The following RGS6 variants were observed in gnomAD, a reference collection of about 807,000 sequenced individuals.
RGS6 encodes regulator of G protein signaling 6.
A neutral mutation model predicts 78.5 loss-of-function variants in RGS6; 30 were observed. That is an observed-to-expected ratio of 0.38 (90% confidence interval 0.29 to 0.52). The LOEUF is 0.52. Ranked by LOEUF, RGS6 falls within the 20% of genes least tolerant of loss-of-function variation. RGS6 has a pLI of 0.85. For synonymous variants in RGS6, 206 were observed against 206.0 expected (o/e 1.00, Z 0.00); for missense variants, 495 against 609.7 (o/e 0.81, Z 1.98).
At chr14:72,409,320 C>T (rs183773381) in intron 3 of RGS6, among the ~76,000 whole-genome samples, 12 of 152,150 alleles carry the variant, frequency 7.9e-5, no homozygotes, top group African/African-American at 1.7e-4. Flanking sequence ...ATAGGCGGAA[C>T]GTGGAAGTAA....
intron 3 of RGS6, among the ~76,000 whole-genome samples, chr14:72,417,669 C>A (rs1197621788): frequency 6.6e-6 from 1 of 152,224 alleles, no homozygotes; most frequent in African/African-American, 2.4e-5. Context: ...TTTAGCAAGC[C>A]TGCACTTCTG....
chr14:72,467,583 G>C (rs1426154907), intron 7 of RGS6, among the ~76,000 whole-genome samples: 1 of 152,150 alleles, frequency 6.6e-6, no homozygotes, highest in Non-Finnish European at 1.5e-5. Context: ...ACGTGTGCAT[G>C]GTCCTTCACC....
intron 2 of RGS6, among the ~76,000 whole-genome samples, chr14:72,287,623 A>AT (rs1226199550): frequency 1.3e-5 from 2 of 151,856 alleles, no homozygotes; most frequent in Non-Finnish European, 2.9e-5. Flanking sequence ...TGCCTGGCTA[A>AT]TTTTTTGTAT....
At chr14:72,329,865 GAC>G (rs1180934727) in intron 2 of RGS6, among the ~76,000 whole-genome samples, 1 of 152,150 alleles carries the variant, frequency 6.6e-6, no homozygotes, top group African/African-American at 2.4e-5. Context: ...ACTGCCGGGA[GAC>G]ATCACAGGGC....
At chr14:72,488,105 A>C (rs768348495) in intron 12 of RGS6, among the ~76,000 whole-genome samples, 5 of 152,174 alleles carry the variant, frequency 3.3e-5, no homozygotes, top group African/African-American at 4.8e-5. Context: ...GACTTTATTT[A>C]TGTAACTTAA....
intron 2 of RGS6, among the ~76,000 whole-genome samples, chr14:72,343,277 C>T (rs2077366250): frequency 1.3e-5 from 2 of 152,192 alleles, no homozygotes; most frequent in Admixed American, 6.5e-5. Flanking sequence ...CTTGCCTTTT[C>T]CAGCTTCCAG....
chr14:72,126,585 C>T (rs1259415803), intron 2 of RGS6, among the ~76,000 whole-genome samples: 1 of 152,224 alleles, frequency 6.6e-6, no homozygotes, highest in Non-Finnish European at 1.5e-5. Flanking sequence ...GTCTCCAATG[C>T]CACTGAATTC....
intron 2 of RGS6, among the ~76,000 whole-genome samples, chr14:72,238,839 C>T (rs902419073): frequency 3.3e-5 from 5 of 152,102 alleles, no homozygotes; most frequent in African/African-American, 7.2e-5. Context: ...ATTCATATAC[C>T]ATGCCTAAAA....
the RGS6 span, among the ~76,000 whole-genome samples, chr14:72,583,914 G>A: frequency 6.6e-6 from 1 of 152,192 alleles, no homozygotes; most frequent in African/African-American, 2.4e-5. Context: ...TGGGAAGCAG[G>A]TGTTTCACAT....
chr14:72,153,417 G>A (rs1027960968), intron 2 of RGS6, among the ~76,000 whole-genome samples: 1 of 152,164 alleles, frequency 6.6e-6, no homozygotes, highest in African/African-American at 2.4e-5. Context: ...TTTCACTGGG[G>A]ACCAGATTTG....
At chr14:72,213,601 T>A (rs2044726974) in intron 2 of RGS6, among the ~76,000 whole-genome samples, 1 of 152,196 alleles carries the variant, frequency 6.6e-6, no homozygotes. Flanking sequence ...GAACAACCCC[T>A]CCTTAATGGC....
At chr14:72,424,225 T>C (rs979941625) in intron 3 of RGS6, among the ~76,000 whole-genome samples, 2 of 152,210 alleles carry the variant, frequency 1.3e-5, no homozygotes, top group Non-Finnish European at 2.9e-5. Flanking sequence ...TTCCAGTCTT[T>C]GCTAGAATGT....
the RGS6 span, among the ~76,000 whole-genome samples, chr14:72,596,967 G>T: frequency 1.3e-5 from 2 of 152,150 alleles, no homozygotes; most frequent in Non-Finnish European, 1.5e-5. Flanking sequence ...GGCCAGGCAC[G>T]GTGGCTCACG....
rs540109780 is a variant in RGS6, at chr14:72,055,110, A to T, written c.84+90235A>T. On this transcript the variant is annotated intron_variant, in intron 2 of 17. Coordinates refer to ENST00000553525, the MANE Select transcript of RGS6 (RefSeq NM_001204424.2). Reference sequence around the variant, plus strand: ...TAAGCATTTGCGTCTCCTGGCATGCATGTGCCGAGGTTTCCCTTGTGTCTA... The same window carrying T: ...TAAGCATTTGCGTCTCCTGGCATGCTTGTGCCGAGGTTTCCCTTGTGTCTA... Among the ~76,000 whole-genome samples the T allele has an allele frequency of 6.6e-5, 10 of 152,288 alleles. No individual in the cohort carries two copies. The South Asian group carries it at 8.3e-4, about 13-fold the overall frequency.
intron 15 of RGS6, 77 bp downstream of exon 15, chr14:72,518,614 C>T (rs1351822592): frequency 1.5e-6 from 2 of 1,363,776 alleles, no homozygotes; most frequent in Non-Finnish European, 2.0e-6. Flanking sequence ...AACACAAGTT[C>T]AAGGCATTGT....
chr14:72,364,190 A>C (rs922921954), intron 3 of RGS6, among the ~76,000 whole-genome samples: 1 of 152,080 alleles, frequency 6.6e-6, no homozygotes. Context: ...CAGATCCTGC[A>C]CTTGGCCAGC....
At chr14:72,246,482 T>G (rs926664775) in intron 2 of RGS6, among the ~76,000 whole-genome samples, 1 of 152,252 alleles carries the variant, frequency 6.6e-6, no homozygotes, top group African/African-American at 2.4e-5. Flanking sequence ...TTAAAAATTA[T>G]TAATCCATTA....
chr14:72,249,705 G>T (rs373240726), intron 2 of RGS6, among the ~76,000 whole-genome samples: 2 of 152,270 alleles, frequency 1.3e-5, no homozygotes, highest in East Asian at 1.9e-4. Context: ...CTAGAGAGGT[G>T]CTAAAGCTGA....
the RGS6 span, among the ~76,000 whole-genome samples, chr14:71,914,769 A>C: frequency 6.6e-6 from 1 of 151,852 alleles, no homozygotes; most frequent in Non-Finnish European, 1.5e-5. Context: ...ATAGACATGC[A>C]CACTATTGTT....
Sources: gnomAD v4.1 joint callset for allele counts (sites outside exome capture counted in the v4.1 genomes callset) on GRCh38, gnomAD v4.1.1 for gene constraint, MANE v1.5 for transcripts, NCBI Gene and HGNC (gene_info 2026-07-23, HGNC 2026-07-21) for gene names.